SLC24A2: variants seen among roughly 807,000 people sequenced by gnomAD.
SLC24A2 encodes the protein solute carrier family 24 member 2.
SLC24A2 carries 36 observed loss-of-function variants against 62.0 expected under a neutral mutation model. The ratio of observed to expected loss-of-function variants is 0.58; its 90% confidence interval spans 0.44 to 0.77. SLC24A2 has a LOEUF of 0.77. Among genes scored for constraint, SLC24A2 ranks in the 30% least tolerant of loss-of-function variants. The pLI is 0.00. For synonymous variants in SLC24A2, 358 were observed against 294.0 expected (o/e 1.22, Z -2.23); for missense variants, 846 against 817.9 (o/e 1.03, Z -0.42).
At chr9:19,924,840 G>T in the SLC24A2 span, among the ~76,000 whole-genome samples, 1 of 152,134 alleles carries the variant, frequency 6.6e-6, no homozygotes, top group Admixed American at 6.5e-5. Context: ...AGAGTCTATT[G>T]TTTGCCCCAT....
chr9:19,801,001 C>T, the SLC24A2 span, among the ~76,000 whole-genome samples: 1 of 152,202 alleles, frequency 6.6e-6, no homozygotes, highest in South Asian at 2.1e-4. Flanking sequence ...AATGGGCCTC[C>T]AGCCTTGTCT....
the SLC24A2 span, among the ~76,000 whole-genome samples, chr9:20,097,314 T>G: frequency 1.3e-5 from 2 of 152,182 alleles, no homozygotes; most frequent in African/African-American, 2.4e-5. Flanking sequence ...GAGTAACTTG[T>G]TTTTAATACC....
chr9:20,243,950 G>A, the SLC24A2 span, among the ~76,000 whole-genome samples: 1 of 151,698 alleles, frequency 6.6e-6, no homozygotes, highest in Non-Finnish European at 1.5e-5. Flanking sequence ...CGAGAGGAAG[G>A]GAGTGGGGAG....
chr9:19,996,745 CAAAAAAAAAAA>C, the SLC24A2 span, among the ~76,000 whole-genome samples: 13 of 66,680 alleles, frequency 1.9e-4, no homozygotes, highest in Non-Finnish European at 3.3e-4. Flanking sequence ...GACTCCGTCT[CAAAAAAAAAAA>C]AAAAAAAAAA....
the SLC24A2 span, among the ~76,000 whole-genome samples, chr9:20,038,680 A>C: frequency 6.6e-6 from 1 of 152,064 alleles, no homozygotes; most frequent in Admixed American, 6.6e-5. Flanking sequence ...CAGGAATTAA[A>C]CTAAAAGTCA....
chr9:19,728,804 G>A (rs1044630324), intron 2 of SLC24A2, among the ~76,000 whole-genome samples: 2 of 152,142 alleles, frequency 1.3e-5, no homozygotes, highest in African/African-American at 4.8e-5. Context: ...ATTTACTGAT[G>A]AGAGAGGGCA....
chr9:19,534,670 C>A (rs530061653), intron 8 of SLC24A2, among the ~76,000 whole-genome samples: 7 of 152,232 alleles, frequency 4.6e-5, no homozygotes, highest in African/African-American at 1.4e-4. Flanking sequence ...CATCCATGTC[C>A]CTGCAAAGGA....
At chr9:20,002,814 G>C in the SLC24A2 span, among the ~76,000 whole-genome samples, 1 of 152,170 alleles carries the variant, frequency 6.6e-6, no homozygotes, top group African/African-American at 2.4e-5. Context: ...GTTTCAGGAG[G>C]GGACAACAGC....
the SLC24A2 span, among the ~76,000 whole-genome samples, chr9:19,907,271 C>T: frequency 1.3e-5 from 2 of 152,316 alleles, no homozygotes; most frequent in Admixed American, 1.3e-4. Flanking sequence ...TGACAAAATT[C>T]AGCAACGCTT....
rs183962244 is a variant in SLC24A2 at position 19,602,538 on chromosome 9, A to G, written c.1079-5259T>C. On this transcript the variant is annotated intron_variant, in intron 4 of 10. Transcript: ENST00000341998. Reference sequence around the variant, plus strand: ...GGTACATTGAGACCTGATGTCAGTTACATTGGTATTATTTAAAGAATGTAC... The same window carrying G: ...GGTACATTGAGACCTGATGTCAGTTGCATTGGTATTATTTAAAGAATGTAC... 3.4e-3 allele frequency among the ~76,000 whole-genome samples: 520 copies of G among 152,348 alleles called. 3 individuals carry two copies. Among genetic ancestry groups the G allele is most frequent in the African/African-American group, 0.012 (500 of 41,580 alleles).
chr9:19,542,027 G>T (rs986355626), intron 8 of SLC24A2, among the ~76,000 whole-genome samples: 1 of 152,188 alleles, frequency 6.6e-6, no homozygotes, highest in Non-Finnish European at 1.5e-5. Flanking sequence ...TGACCCTTGC[G>T]CTTCCCAGGT....
the SLC24A2 span, among the ~76,000 whole-genome samples, chr9:19,941,590 T>TGTGTGTGTGTGTGAGAGA: frequency 5.5e-5 from 7 of 127,916 alleles, no homozygotes; most frequent in African/African-American, 2.1e-4. Flanking sequence ...TGTGTGTGTG[T>TGTGTGTGTGTGTGAGAGA]GAGAGAGAGA....
rs1819165619 is a variant in SLC24A2 at position 19,663,591 on chromosome 9, A to G, written c.931-41292T>C. ...TAAAGGCCCTGGGTCCACGTCCTGCAGGGGGTCAGGCTGTCAGAGAGCAGG... is the reference window on the plus strand; with the variant it reads ...TAAAGGCCCTGGGTCCACGTCCTGCGGGGGGTCAGGCTGTCAGAGAGCAGG... On this transcript the variant is annotated intron_variant, in intron 2 of 10. Coordinates refer to ENST00000341998, the MANE Select transcript of SLC24A2 (RefSeq NM_020344.4). 2.6e-5 allele frequency among the ~76,000 whole-genome samples: 4 copies of G among 152,246 alleles called. No homozygotes were observed. In the South Asian group the frequency reaches 8.3e-4, roughly 32 times the overall value.
intron 7 of SLC24A2, among the ~76,000 whole-genome samples, chr9:19,556,821 CTA>C (rs763074031): frequency 7.2e-5 from 11 of 152,174 alleles, no homozygotes; most frequent in East Asian, 3.8e-4. Context: ...ACGTTAAACA[CTA>C]TGTTATTGCA....
the SLC24A2 span, among the ~76,000 whole-genome samples, chr9:20,142,759 C>A: frequency 6.6e-6 from 1 of 152,100 alleles, no homozygotes; most frequent in Non-Finnish European, 1.5e-5. Context: ...CCACGCCCAG[C>A]TAATTTTTGT....
At chr9:19,675,478 T>A (rs537056063) in intron 2 of SLC24A2, among the ~76,000 whole-genome samples, 11 of 152,126 alleles carry the variant, frequency 7.2e-5, no homozygotes, top group African/African-American at 2.7e-4. Context: ...CCATCAGGTG[T>A]AAGCATGGTT....
the SLC24A2 span, among the ~76,000 whole-genome samples, chr9:19,872,707 A>T: frequency 6.6e-6 from 1 of 152,174 alleles, no homozygotes; most frequent in Non-Finnish European, 1.5e-5. Context: ...CCTGTTTCTT[A>T]TATCTAATAA....
intron 7 of SLC24A2, among the ~76,000 whole-genome samples, chr9:19,562,537 G>A (rs1158709619): frequency 6.6e-6 from 1 of 152,112 alleles, no homozygotes; most frequent in Non-Finnish European, 1.5e-5. Flanking sequence ...TTTTAAATGT[G>A]TTGAAAGGCC....
the SLC24A2 span, among the ~76,000 whole-genome samples, chr9:19,916,981 GTT>G: frequency 4.4e-3 from 314 of 72,012 alleles, 1 homozygote; most frequent in East Asian, 0.021. Context: ...TAACTTACCT[GTT>G]TTTTTTTTTT....
Sources: gnomAD v4.1 joint callset for allele counts (sites outside exome capture counted in the v4.1 genomes callset) on GRCh38, gnomAD v4.1.1 for gene constraint, MANE v1.5 for transcripts, NCBI Gene and HGNC (gene_info 2026-07-23, HGNC 2026-07-21) for gene names.